The following ITGB6 variants were observed in gnomAD, a reference collection of about 807,000 sequenced individuals.
ITGB6 encodes the protein integrin subunit beta 6, also known as integrin beta-6.
ITGB6 carries 80 observed loss-of-function variants against 84.5 expected under a neutral mutation model. That is an observed-to-expected ratio of 0.95 (90% CI 0.79 to 1.14). The LOEUF is 1.14. ITGB6 is among the 50% of genes most tolerant of loss of function. The pLI, the probability that ITGB6 is intolerant of heterozygous loss-of-function variation, is 0.00. For missense variants in ITGB6, 1,006 were observed against 968.0 expected (o/e 1.04, Z -0.52); for synonymous variants, 383 against 354.9 (o/e 1.08, Z -0.89).
Position 160,112,200 on chromosome 2 carries a change from C to G in ITGB6, c.1982-1G>C. 1 of 1,609,562 alleles carries G rather than the reference C, an allele frequency of 6.2e-7. No individual in the cohort carries two copies. Among genetic ancestry groups the G allele is most frequent in the Non-Finnish European group, 8.5e-7 (1 of 1,178,296 alleles). ...GAAACAGAACCATCCTTTGAGAAAT[C>G]TGCAGATAAAGGAGTCATTCATTAG... On this transcript the variant is annotated splice_acceptor_variant, in intron 12 of 14. Coordinates refer to ENST00000283249, the MANE Select transcript of ITGB6 (RefSeq NM_000888.5). LOFTEE classifies it high-confidence loss of function.
intron 7 of ITGB6, among the ~76,000 whole-genome samples, chr2:160,151,864 C>A (rs763725444): frequency 5.9e-5 from 9 of 152,070 alleles, no homozygotes; most frequent in African/African-American, 2.4e-5. Context: ...GGATAAATTC[C>A]TGGACACATA....
intron 7 of ITGB6, among the ~76,000 whole-genome samples, chr2:160,155,997 T>C (rs757566033): frequency 1.3e-5 from 2 of 152,168 alleles, no homozygotes; most frequent in Non-Finnish European, 2.9e-5. Flanking sequence ...GTTAGCAGTA[T>C]CTACTAAAGC....
intron 4 of ITGB6, among the ~76,000 whole-genome samples, chr2:160,184,228 C>G (rs996109471): frequency 6.6e-6 from 1 of 152,048 alleles, no homozygotes; most frequent in Non-Finnish European, 1.5e-5. Context: ...TAGATGACCA[C>G]TAGCCAGAAT....
chr2:160,135,901 A>G (rs1389061233), intron 10 of ITGB6, among the ~76,000 whole-genome samples: 1 of 152,222 alleles, frequency 6.6e-6, no homozygotes, highest in Non-Finnish European at 1.5e-5. Flanking sequence ...ACTAAAATTA[A>G]TTCAAGATGG....
chr2:160,119,169 A>G (rs1000837311), intron 12 of ITGB6, among the ~76,000 whole-genome samples: 3 of 152,244 alleles, frequency 2.0e-5, no homozygotes, highest in African/African-American at 7.2e-5. Context: ...AAACTACTTT[A>G]AAGTTCATAT....
chr2:160,114,675 A>AC (rs1236172145), intron 12 of ITGB6, among the ~76,000 whole-genome samples: 1 of 152,154 alleles, frequency 6.6e-6, no homozygotes, highest in Non-Finnish European at 1.5e-5. Context: ...GGGTGCGCGC[A>AC]CCGTGCGCGA....
chr2:160,135,246 T>G (rs904596518), intron 10 of ITGB6, among the ~76,000 whole-genome samples: 3 of 152,102 alleles, frequency 2.0e-5, no homozygotes, highest in Non-Finnish European at 4.4e-5. Flanking sequence ...TCACAAGCAT[T>G]CTTATACACT....
intron 4 of ITGB6, among the ~76,000 whole-genome samples, chr2:160,185,286 A>C (rs1177026628): frequency 6.6e-6 from 1 of 152,230 alleles, no homozygotes; most frequent in African/African-American, 2.4e-5. Flanking sequence ...GCAAAGTCTC[A>C]GGATACAAAA....
Position 160,138,190 on chromosome 2 carries a change from AC to A in ITGB6, c.1116del (p.Ser373LeufsTer8). ...QLIISAYEEL[R>X]SEVELEVLGD... ...CCTAATACTTCCAGTTCCACCTCAG[AC>A]CGCAGTTCCTTTAGTTACAACATAA... On this transcript the variant is annotated frameshift_variant, in exon 9 of 15. Coordinates refer to ENST00000283249, the MANE Select transcript of ITGB6 (RefSeq NM_000888.5). LOFTEE classifies it high-confidence loss of function. 6.2e-7 allele frequency: 1 copy of A among 1,607,094 alleles called. No homozygotes were observed. Among genetic ancestry groups the A allele is most frequent in the Non-Finnish European group, 8.5e-7 (1 of 1,178,192 alleles).
chr2:160,120,245 T>C (rs1011058040), intron 12 of ITGB6, among the ~76,000 whole-genome samples: 4 of 151,212 alleles, frequency 2.6e-5, no homozygotes, highest in African/African-American at 9.7e-5. Context: ...CTATTTACAA[T>C]AGCAAAGACT....
Position 160,196,397 on chromosome 2 carries a change from A to G in ITGB6, c.165T>C (p.Val55=), listed in dbSNP as rs532434142. The G allele has an allele frequency of 8.7e-6, 14 of 1,613,834 alleles. No homozygotes were observed. In the African/African-American group the frequency reaches 1.7e-4, roughly 20 times the overall value. ...AQENFTHPSG[V]GERCDTPANL... ...TTGCTGGGGTATCACACCTTTCGCC[A>G]ACTCCAGATGGATGAGTAAAATTCT... is the stretch of plus-strand genomic sequence containing the variant. The change falls in exon 3 of 15, where the codon GTT becomes GTC. Residue 55 remains valine (V), a synonymous_variant. Coordinates refer to ENST00000283249, the MANE Select transcript of ITGB6 (RefSeq NM_000888.5).
chr2:160,169,830 T>C (rs894377079), intron 6 of ITGB6, among the ~76,000 whole-genome samples: 3 of 152,260 alleles, frequency 2.0e-5, no homozygotes, highest in Non-Finnish European at 2.9e-5. Context: ...GGTTTGGTTT[T>C]ACTGCCATTT....
chr2:160,177,661 T>C (rs1304035825), intron 4 of ITGB6, among the ~76,000 whole-genome samples: 2 of 152,192 alleles, frequency 1.3e-5, no homozygotes, highest in Admixed American at 6.5e-5. Context: ...TGGATATATA[T>C]CTTAAAAGTT....
intron 14 of ITGB6, among the ~76,000 whole-genome samples, chr2:160,104,025 T>C (rs1287288146): frequency 6.6e-6 from 1 of 152,232 alleles, no homozygotes; most frequent in Non-Finnish European, 1.5e-5. Context: ...AGATATTTAG[T>C]TGAATGTTTA....
intron 4 of ITGB6, among the ~76,000 whole-genome samples, chr2:160,191,741 T>C (rs534685094): frequency 2.2e-4 from 34 of 152,252 alleles, no homozygotes; most frequent in Admixed American, 2.1e-3. Context: ...TCATAGATGA[T>C]GTGATCATAT....
At chr2:160,148,722 G>A (rs1307575813) in intron 7 of ITGB6, among the ~76,000 whole-genome samples, 1 of 152,164 alleles carries the variant, frequency 6.6e-6, no homozygotes, top group Non-Finnish European at 1.5e-5. Context: ...CAGACTACCT[G>A]GAAAAACGGG....
rs1436755477 is a variant in ITGB6 at position 160,168,208 on chromosome 2, T to C, written c.1017+1004A>G. Among the ~76,000 whole-genome samples the C allele has an allele frequency of 2.6e-5, 4 of 152,280 alleles. No homozygotes were observed. In the East Asian group the frequency reaches 5.8e-4, roughly 22 times the overall value. ...CCCTCCTCTCATTCAAAATGCAAGA[T>C]AGCATCTCCTGCTGGATCCTTTCTA... On this transcript the variant is annotated intron_variant, in intron 7 of 14. Coordinates refer to ENST00000283249, the MANE Select transcript of ITGB6 (RefSeq NM_000888.5).
At chr2:160,176,953 A>T (rs1391361115) in intron 4 of ITGB6, among the ~76,000 whole-genome samples, 1 of 152,230 alleles carries the variant, frequency 6.6e-6, no homozygotes, top group Non-Finnish European at 1.5e-5. Context: ...ACATATGTAC[A>T]AACTATTCCA....
intron 12 of ITGB6, among the ~76,000 whole-genome samples, chr2:160,114,874 C>T (rs1682694974): frequency 6.6e-6 from 1 of 152,228 alleles, no homozygotes; most frequent in Non-Finnish European, 1.5e-5. Flanking sequence ...CTCAGAGGGT[C>T]CTACGCCCAC....
Sources: allele counts gnomAD v4.1 joint callset (sites outside exome capture counted in the v4.1 genomes callset), GRCh38; gene constraint gnomAD v4.1.1; transcripts MANE v1.5; gene names NCBI Gene and HGNC (gene_info 2026-07-23, HGNC 2026-07-21).